TNFSF4: variants seen among roughly 807,000 people sequenced by gnomAD.
The protein encoded by TNFSF4 is TNF superfamily member 4.
A neutral mutation model predicts 7.3 loss-of-function variants in TNFSF4; 4 were observed. The observed-to-expected ratio is 0.55, with a 90% CI of 0.27 to 1.25. The LOEUF (loss-of-function observed/expected upper bound fraction) is 1.25, where lower values mean the gene tolerates loss of function less well. TNFSF4 is among the 50% of genes most tolerant of loss of function. The pLI, the probability that TNFSF4 is intolerant of heterozygous loss-of-function variation, is 0.12. For synonymous variants in TNFSF4, 76 were observed against 83.7 expected, an observed-to-expected ratio of 0.91 and a Z score of 0.50; for missense variants, 181 against 208.8, an observed-to-expected ratio of 0.87 and a Z score of 0.82.
chr1:173,225,554 T>C, the TNFSF4 span, among the ~76,000 whole-genome samples: 4 of 152,226 alleles, frequency 2.6e-5, no homozygotes, highest in African/African-American at 9.6e-5. Context: ...AGTGTTTCTC[T>C]TGACCAACAC....
the TNFSF4 span, among the ~76,000 whole-genome samples, chr1:173,372,588 G>C: frequency 3.9e-5 from 6 of 152,310 alleles, no homozygotes; most frequent in African/African-American, 1.4e-4. Context: ...AGTTGCAGTG[G>C]TGGCCATCTT....
At chr1:173,382,706 G>T in the TNFSF4 span, among the ~76,000 whole-genome samples, 1 of 152,056 alleles carries the variant, frequency 6.6e-6, no homozygotes, top group African/African-American at 2.4e-5. Flanking sequence ...AATCCACAGT[G>T]ATCAGCATTT....
chr1:173,205,568 T>A lies in TNFSF4; in HGVS notation c.153+1456A>T, dbSNP rs552765805. 4 of 1,264,822 alleles carry A rather than the reference T, an allele frequency of 3.2e-6. No homozygotes were observed. In the African/African-American group the frequency reaches 6.1e-5, roughly 19 times the overall value. 78.3% of individuals were successfully genotyped at this position (1,264,822 alleles called of 1,614,324 possible). On this transcript the variant is annotated intron_variant, in intron 1 of 2. Transcript: ENST00000281834. ...ATGTGTCCTGTGTTTTATCATCCCA[T>A]GGTGTAAGGAAATATGTAACACTGT...
chr1:173,222,506 G>A, the TNFSF4 span, among the ~76,000 whole-genome samples: 2 of 152,176 alleles, frequency 1.3e-5, no homozygotes, highest in East Asian at 1.9e-4. Context: ...CTCAGAGGAA[G>A]GACTGGTTTA....
chr1:173,427,887 T>C, the TNFSF4 span, among the ~76,000 whole-genome samples: 3 of 152,134 alleles, frequency 2.0e-5, no homozygotes, highest in African/African-American at 7.2e-5. Flanking sequence ...AAAGGTAATG[T>C]GTTGTGCTAC....
At chr1:173,339,018 T>C in the TNFSF4 span, among the ~76,000 whole-genome samples, 2 of 152,118 alleles carry the variant, frequency 1.3e-5, no homozygotes, top group African/African-American at 2.4e-5. Flanking sequence ...AGCGGAAAAC[T>C]ACAACAACAT....
the TNFSF4 span, chr1:173,440,840 A>G: frequency 1.3e-5 from 2 of 152,216 alleles, no homozygotes; most frequent in East Asian, 3.9e-4. Context: ...AATTAATGCA[A>G]TCTGTAAGGT....
the TNFSF4 span, among the ~76,000 whole-genome samples, chr1:173,324,395 G>A: frequency 6.6e-6 from 1 of 152,182 alleles, no homozygotes; most frequent in Non-Finnish European, 1.5e-5. Context: ...ACCAGTACCA[G>A]CCACTGCAAA....
the TNFSF4 span, among the ~76,000 whole-genome samples, chr1:173,372,646 G>A: frequency 0.059 from 9,050 of 152,198 alleles, 916 homozygotes; most frequent in African/African-American, 0.2. Flanking sequence ...CTCACTGTCT[G>A]GACTACTCAT....
chr1:173,322,845 G>A, the TNFSF4 span, among the ~76,000 whole-genome samples: 1 of 152,284 alleles, frequency 6.6e-6, no homozygotes, highest in Admixed American at 6.5e-5. Flanking sequence ...GGGGAGGGGC[G>A]CCCACCATTG....
chr1:173,408,337 G>A, the TNFSF4 span, among the ~76,000 whole-genome samples: 47 of 152,180 alleles, frequency 3.1e-4, no homozygotes, highest in South Asian at 9.6e-3. Context: ...GCCAAATTGG[G>A]AACAATTTGA....
chr1:173,361,925 T>C, the TNFSF4 span, among the ~76,000 whole-genome samples: 1 of 152,222 alleles, frequency 6.6e-6, no homozygotes, highest in South Asian at 2.1e-4. Flanking sequence ...TGACAATTCA[T>C]GCTGGATATC....
downstream of TNFSF4, among the ~76,000 whole-genome samples, chr1:173,182,315 T>C (rs1040439621): frequency 6.6e-6 from 1 of 152,218 alleles, no homozygotes. Context: ...CCCAACATCA[T>C]GAACCAGGAG....
At chr1:173,176,215 A>G in the TNFSF4 span, among the ~76,000 whole-genome samples, 1 of 152,238 alleles carries the variant, frequency 6.6e-6, no homozygotes, top group Non-Finnish European at 1.5e-5. Flanking sequence ...TTCAGAAAAC[A>G]GTAAAAATAT....
At chr1:173,265,498 T>C in the TNFSF4 span, among the ~76,000 whole-genome samples, 1 of 152,198 alleles carries the variant, frequency 6.6e-6, no homozygotes, top group Non-Finnish European at 1.5e-5. Context: ...TGATCATATA[T>C]AAAACAGCAA....
chr1:173,243,863 CAGTT>C, the TNFSF4 span, among the ~76,000 whole-genome samples: 1 of 152,164 alleles, frequency 6.6e-6, no homozygotes, highest in Non-Finnish European at 1.5e-5. Flanking sequence ...TCTCTGCTTT[CAGTT>C]TTGTCCCCAT....
chr1:173,270,180 T>A, the TNFSF4 span, among the ~76,000 whole-genome samples: 1 of 152,084 alleles, frequency 6.6e-6, no homozygotes, highest in Non-Finnish European at 1.5e-5. Context: ...AGGAGCAGAT[T>A]TGGGGGAAAA....
chr1:173,227,457 C>T, the TNFSF4 span, among the ~76,000 whole-genome samples: 1 of 152,150 alleles, frequency 6.6e-6, no homozygotes, highest in East Asian at 1.9e-4. Flanking sequence ...CCAAGTTGGC[C>T]AAATAGGAAC....
chr1:173,379,524 G>C, the TNFSF4 span, among the ~76,000 whole-genome samples: 2 of 152,124 alleles, frequency 1.3e-5, no homozygotes, highest in African/African-American at 4.8e-5. Context: ...AGGGTCAATT[G>C]ATCCTAAAAG....
Sources: allele counts gnomAD v4.1 joint callset (sites outside exome capture counted in the v4.1 genomes callset), GRCh38; gene constraint gnomAD v4.1.1; transcripts MANE v1.5; gene names NCBI Gene and HGNC (gene_info 2026-07-23, HGNC 2026-07-21).